Variants in LAMA2 observed in about 807,000 individuals in gnomAD.
LAMA2 encodes laminin subunit alpha 2.
In LAMA2, 269 loss-of-function variants were observed where a neutral mutation model predicts 364.8. The observed-to-expected ratio is 0.74, with a 90% CI of 0.67 to 0.82. The LOEUF (loss-of-function observed/expected upper bound fraction) is 0.82, where lower values mean the gene tolerates loss of function less well. Among genes scored for constraint, LAMA2 ranks in the 40% least tolerant of loss-of-function variants. The pLI is 0.00. For synonymous variants in LAMA2, 1,379 were observed against 1,370.6 expected (o/e 1.01, Z -0.14); for missense variants, 3,807 against 3,873.2 (o/e 0.98, Z 0.45).
chr6:129,413,765 G>A (rs1269137283), intron 40 of LAMA2, among the ~76,000 whole-genome samples: 2 of 152,070 alleles, frequency 1.3e-5, no homozygotes, highest in Admixed American at 6.5e-5. Context: ...CAAATAAAGT[G>A]GTACCAACAG....
chr6:129,251,040 T>TTCTCTCTC lies in LAMA2; in HGVS notation c.1884+857_1884+864dup, dbSNP rs66896334. ...TTTCTCTCTCTCTCTGTCTCTCTCTTTCTCTCTCTCTCTCTCTCTCTCTCT... is the reference window on the plus strand; with the variant it reads ...TTTCTCTCTCTCTCTGTCTCTCTCTTTCTCTCTCTCTCTCTCTCTCTCTCTCTCTCTCT... On this transcript the variant is annotated intron_variant, in intron 13 of 64. Transcript: ENST00000421865. Among the ~76,000 whole-genome samples the TTCTCTCTC allele has an allele frequency of 1.7e-3, 102 of 61,564 alleles. 1 individual carries two copies. The highest frequency in any genetic ancestry group is 3.0e-3 in the East Asian group (9 of 2,966). 40.4% of individuals were successfully genotyped at this position (61,564 alleles called of 152,430 possible).
At chr6:129,144,468 C>T (rs1195966524) in intron 5 of LAMA2, among the ~76,000 whole-genome samples, 1 of 151,892 alleles carries the variant, frequency 6.6e-6, no homozygotes, top group Non-Finnish European at 1.5e-5. Context: ...AGTGCAGGGG[C>T]TTTGAAACAT....
At chr6:129,355,546 T>C (rs1389610590) in intron 32 of LAMA2, among the ~76,000 whole-genome samples, 2 of 152,168 alleles carry the variant, frequency 1.3e-5, no homozygotes, top group African/African-American at 4.8e-5. Flanking sequence ...CTGGGGTGTT[T>C]GATCTGCAGG....
intron 1 of LAMA2, among the ~76,000 whole-genome samples, chr6:128,957,838 T>A (rs1305635958): frequency 8.7e-6 from 1 of 114,304 alleles, no homozygotes; most frequent in African/African-American, 3.8e-5. Context: ...CTTCATGCAT[T>A]TTTTTTTTTT....
Position 129,505,220 on chromosome 6 carries a change from G to T in LAMA2, c.8568G>T (p.Lys2856Asn). The T allele has an allele frequency of 6.2e-7, 1 of 1,613,830 alleles. No individual in the cohort carries two copies. Among genetic ancestry groups the T allele is most frequent in the Non-Finnish European group, 8.5e-7 (1 of 1,179,834 alleles). The change falls in exon 61 of 65, where the codon AAG becomes AAT. Residue 2856 changes from lysine (K) to asparagine (N), a missense_variant. This residue lies in a region of LAMA2 where 3,333 missense variants were observed against 3,345.7 expected (regional missense o/e 1.00). Transcript: ENST00000421865. ...QWHKIKIMRS[K>N]QEGILYVDGA... is the part of the protein sequence containing the mutation. ...TGTAGATTAAGATAATGAGAAGTAA[G>T]CAAGAAGGAATTCTTTATGTAGATG...
intron 1 of LAMA2, among the ~76,000 whole-genome samples, chr6:128,963,256 A>G (rs899893909): frequency 2.0e-5 from 3 of 152,122 alleles, no homozygotes; most frequent in African/African-American, 7.2e-5. Context: ...TAAGTTGTTC[A>G]CAACTGGCCC....
intron 3 of LAMA2, among the ~76,000 whole-genome samples, chr6:129,075,415 C>A (rs1313026546): frequency 6.6e-6 from 1 of 152,092 alleles, no homozygotes; most frequent in East Asian, 1.9e-4. Context: ...TAATGAGAAA[C>A]CCGCAGTGGT....
chr6:129,260,668 A>G (rs375934720), intron 14 of LAMA2, 43 bp from the exon 15 acceptor site: 29 of 1,190,290 alleles, frequency 2.4e-5, no homozygotes, highest in African/African-American at 4.5e-5. Flanking sequence ...TATAATACCT[A>G]AGAACTTTAC....
chr6:129,127,500 C>T (rs956315987), intron 4 of LAMA2, among the ~76,000 whole-genome samples: 6 of 152,094 alleles, frequency 3.9e-5, no homozygotes, highest in Non-Finnish European at 5.9e-5. Flanking sequence ...GATATCTTTT[C>T]GGCAAAACTG....
intron 12 of LAMA2, among the ~76,000 whole-genome samples, chr6:129,200,318 G>T (rs1471409422): frequency 6.9e-6 from 1 of 144,938 alleles, no homozygotes; most frequent in Admixed American, 6.8e-5. Flanking sequence ...ATATATATAC[G>T]TGTACACATA....
chr6:129,160,777 A>G (rs894561259), intron 8 of LAMA2, among the ~76,000 whole-genome samples: 1 of 151,824 alleles, frequency 6.6e-6, no homozygotes, highest in African/African-American at 2.4e-5. Flanking sequence ...TCATTTATTT[A>G]ACATAACTTC....
chr6:129,377,787 C>T (rs188918676), intron 34 of LAMA2, among the ~76,000 whole-genome samples: 110 of 152,288 alleles, frequency 7.2e-4, no homozygotes, highest in African/African-American at 2.6e-3. Context: ...ATGAAACACA[C>T]TGGTCATATC....
At chr6:129,054,215 C>T (rs1403561180) in intron 2 of LAMA2, among the ~76,000 whole-genome samples, 1 of 152,036 alleles carries the variant, frequency 6.6e-6, no homozygotes, top group Admixed American at 6.6e-5. Flanking sequence ...GAGGGGATCA[C>T]TGAGCCGTAA....
chr6:128,883,503 C>T, intron 1 of LAMA2, 146 bp downstream of exon 1: 11 of 1,290,060 alleles, frequency 8.5e-6, no homozygotes, highest in Non-Finnish European at 1.1e-5. Flanking sequence ...GAACTTGAAG[C>T]AAGTTCAAGT....
chr6:129,260,966 A>G (rs974439716), intron 15 of LAMA2, 144 bp downstream of exon 15: 2 of 654,662 alleles, frequency 3.1e-6, no homozygotes, highest in East Asian at 5.6e-5. Flanking sequence ...TTGAATATCT[A>G]CCAAAAGCTG....
At chr6:129,271,634 A>G (rs1456480329) in intron 17 of LAMA2, among the ~76,000 whole-genome samples, 2 of 152,064 alleles carry the variant, frequency 1.3e-5, no homozygotes, top group East Asian at 1.9e-4. Context: ...TTTTTACTCA[A>G]AAGTGATTAT....
At chr6:128,939,940 C>T (rs1437118210) in intron 1 of LAMA2, among the ~76,000 whole-genome samples, 3 of 152,088 alleles carry the variant, frequency 2.0e-5, no homozygotes, top group Admixed American at 6.5e-5. Context: ...GATCCCTTCA[C>T]GGCATCCAGA....
intron 3 of LAMA2, among the ~76,000 whole-genome samples, chr6:129,090,656 G>A (rs899593765): frequency 6.6e-6 from 1 of 152,274 alleles, no homozygotes; most frequent in East Asian, 1.9e-4. Flanking sequence ...AGTACTGTTT[G>A]CATATTTCTC....
At chr6:128,929,752 A>G in intron 1 of LAMA2, 2 of 1,190,482 alleles carry the variant, frequency 1.7e-6, no homozygotes, top group Non-Finnish European at 1.3e-6. Flanking sequence ...TCGTAGCTGG[A>G]TATTGGAAAA....
Sources: allele counts gnomAD v4.1 joint callset (sites outside exome capture counted in the v4.1 genomes callset), GRCh38; gene constraint gnomAD v4.1.1; regional missense constraint gnomAD v4.1.1; transcripts MANE v1.5; gene names NCBI Gene and HGNC (gene_info 2026-07-23, HGNC 2026-07-21).